Variants in ADGRL3 observed in about 807,000 individuals in gnomAD.
ADGRL3 encodes the protein adhesion G protein-coupled receptor L3.
ADGRL3 carries 62 observed loss-of-function variants against 153.5 expected under a neutral mutation model. That is an observed-to-expected ratio of 0.40 (90% CI 0.33 to 0.50). The LOEUF (loss-of-function observed/expected upper bound fraction) is 0.50, where lower values mean the gene tolerates loss of function less well. Among genes scored for constraint, ADGRL3 ranks in the 20% least tolerant of loss-of-function variants. The probability of loss-of-function intolerance (pLI) is 0.47; values close to 1 mark genes in which losing one functional copy is unlikely to be tolerated. For synonymous variants in ADGRL3, 710 were observed against 672.5 expected, an observed-to-expected ratio of 1.06 and a Z score of -0.86; for missense variants, 1,641 against 1,859.4, an observed-to-expected ratio of 0.88 and a Z score of 2.16.
At chr4:61,533,880 G>C (rs2098638790) in intron 4 of ADGRL3, among the ~76,000 whole-genome samples, 1 of 151,924 alleles carries the variant, frequency 6.6e-6, no homozygotes, top group South Asian at 2.1e-4. Context: ...TATATACTAG[G>C]TACATATTTT....
chr4:61,854,132 A>C (rs2098238189), intron 9 of ADGRL3, among the ~76,000 whole-genome samples: 1 of 152,286 alleles, frequency 6.6e-6, no homozygotes, highest in South Asian at 2.1e-4. Context: ...ATATGCTTCT[A>C]TTCATATTCA....
At chr4:61,929,494 T>C (rs1000359536) in intron 13 of ADGRL3, among the ~76,000 whole-genome samples, 7 of 152,224 alleles carry the variant, frequency 4.6e-5, no homozygotes, top group Non-Finnish European at 7.3e-5. Flanking sequence ...TATTCTTTGC[T>C]CTTATACTCA....
intron 6 of ADGRL3, among the ~76,000 whole-genome samples, chr4:61,728,097 G>A (rs879055959): frequency 2.6e-5 from 4 of 151,992 alleles, no homozygotes; most frequent in Admixed American, 6.6e-5. Flanking sequence ...TTGTCTTGCC[G>A]GTTTTTGTTA....
At chr4:61,250,464 A>T (rs559872722) in intron 1 of ADGRL3, among the ~76,000 whole-genome samples, 1 of 152,164 alleles carries the variant, frequency 6.6e-6, no homozygotes, top group Non-Finnish European at 1.5e-5. Flanking sequence ...TGCCTTTTAT[A>T]TGTAGCCTGG....
At chr4:61,918,014 G>C (rs116445879) in intron 13 of ADGRL3, among the ~76,000 whole-genome samples, 315 of 152,236 alleles carry the variant, frequency 2.1e-3, no homozygotes, top group African/African-American at 7.3e-3. Flanking sequence ...TCTCTGATGC[G>C]TGTTACAAGT....
At chr4:61,961,311 C>G (rs1360468035) in intron 17 of ADGRL3, among the ~76,000 whole-genome samples, 1 of 152,102 alleles carries the variant, frequency 6.6e-6, no homozygotes, top group Non-Finnish European at 1.5e-5. Context: ...TTTTAATTCC[C>G]CAGGTTGTGG....
intron 1 of ADGRL3, among the ~76,000 whole-genome samples, chr4:61,381,358 T>C (rs965715267): frequency 1.9e-4 from 28 of 149,636 alleles, no homozygotes; most frequent in African/African-American, 6.5e-4. Flanking sequence ...GGAAATGATT[T>C]GTTTACCCAG....
chr4:61,975,209 GA>G (rs2099043777), intron 17 of ADGRL3, among the ~76,000 whole-genome samples: 1 of 152,074 alleles, frequency 6.6e-6, no homozygotes. Context: ...AAGCAATAGA[GA>G]GAGTCAGAAT....
chr4:62,074,083 A>T lies in ADGRL3; in HGVS notation c.*3175A>T, dbSNP rs1372551182. 1 of 147,472 alleles carries T rather than the reference A, an allele frequency of 6.8e-6. No homozygotes were observed. Among genetic ancestry groups the T allele is most frequent in the African/African-American group, 2.5e-5 (1 of 40,530 alleles). The allele number at this position is 147,472 out of a possible 1,614,324, so 9.1% of individuals were successfully genotyped here. A position where few individuals can be genotyped will look rare whatever the true frequency, so the allele number is the denominator to read the frequency against. On this transcript the variant is annotated 3_prime_UTR_variant, in exon 27 of 27. Transcript: ENST00000683033. ...AGAGCTATTGATGAATTAATTAATG[A>T]TTTTTTAATTGTTCTTTTTTCTACC...
chr4:61,760,696 T>C (rs2096901861), intron 8 of ADGRL3, among the ~76,000 whole-genome samples: 1 of 152,184 alleles, frequency 6.6e-6, no homozygotes, highest in Non-Finnish European at 1.5e-5. Context: ...CCCAGTGAGA[T>C]GAGCCTGGTA....
chr4:61,424,374 T>C (rs1490998722), intron 2 of ADGRL3, among the ~76,000 whole-genome samples: 1 of 152,010 alleles, frequency 6.6e-6, no homozygotes, highest in African/African-American at 2.4e-5. Flanking sequence ...GTCCTCTTAG[T>C]GGGGAAACTT....
intron 9 of ADGRL3, among the ~76,000 whole-genome samples, chr4:61,890,828 A>G (rs1561422670): frequency 6.6e-6 from 1 of 152,226 alleles, no homozygotes; most frequent in Admixed American, 6.5e-5. Flanking sequence ...ACATCTCAGC[A>G]GTGACACCAT....
At chr4:61,476,502 T>A (rs568058564) in intron 2 of ADGRL3, among the ~76,000 whole-genome samples, 54 of 151,994 alleles carry the variant, frequency 3.6e-4, no homozygotes, top group African/African-American at 1.3e-3. Flanking sequence ...AGTTGGGAGT[T>A]CGAGACCAGC....
intron 6 of ADGRL3, among the ~76,000 whole-genome samples, chr4:61,680,866 T>C (rs1344367119): frequency 2.0e-5 from 3 of 152,106 alleles, no homozygotes; most frequent in African/African-American, 7.2e-5. Flanking sequence ...ACTTCTGTTC[T>C]GTTTTTTCTT....
At chr4:61,957,457 A>AGGCCATCTCAT (rs2098971478) in intron 17 of ADGRL3, among the ~76,000 whole-genome samples, 70 of 152,110 alleles carry the variant, frequency 4.6e-4, no homozygotes, top group Admixed American at 4.6e-3. Flanking sequence ...GTCCATAAAT[A>AGGCCATCTCAT]AGCATAGCCA....
chr4:61,570,850 G>C (rs1368078297), intron 4 of ADGRL3, among the ~76,000 whole-genome samples: 1 of 152,030 alleles, frequency 6.6e-6, no homozygotes, highest in African/African-American at 2.4e-5. Context: ...TGTGTCTGTA[G>C]CTATATTACA....
At chr4:61,753,936 C>A (rs1043642669) in intron 8 of ADGRL3, among the ~76,000 whole-genome samples, 1 of 152,134 alleles carries the variant, frequency 6.6e-6, no homozygotes, top group Non-Finnish European at 1.5e-5. Context: ...AATGGACTTG[C>A]CATCAGTCTT....
chr4:61,463,814 A>C, intron 2 of ADGRL3, among the ~76,000 whole-genome samples: 1 of 152,180 alleles, frequency 6.6e-6, no homozygotes, highest in East Asian at 1.9e-4. Context: ...ATCTGAAATT[A>C]AACAAAAGTT....
At chr4:61,870,701 AT>A (rs1234001379) in intron 9 of ADGRL3, among the ~76,000 whole-genome samples, 1 of 152,244 alleles carries the variant, frequency 6.6e-6, no homozygotes, top group African/African-American at 2.4e-5. Context: ...GGTGGTCAAC[AT>A]TATTAGCCAT....
Sources: allele counts gnomAD v4.1 joint callset (sites outside exome capture counted in the v4.1 genomes callset), GRCh38; gene constraint gnomAD v4.1.1; transcripts MANE v1.5; gene names NCBI Gene and HGNC (gene_info 2026-07-23, HGNC 2026-07-21).